Variants in MAGI1 observed in about 807,000 individuals in gnomAD.
MAGI1 encodes membrane-associated guanylate kinase, WW and PDZ domain-containing protein 1.
In MAGI1, 58 loss-of-function variants were observed where a neutral mutation model predicts 139.9. The observed-to-expected ratio is 0.41, with a 90% CI of 0.34 to 0.52. The LOEUF (loss-of-function observed/expected upper bound fraction) is 0.52, where lower values mean the gene tolerates loss of function less well. MAGI1 is among the 20% of genes least tolerant of loss of function. MAGI1 has a pLI of 0.12. For synonymous variants in MAGI1, 812 were observed against 737.9 expected (o/e 1.10, Z -1.63); for missense variants, 1,874 against 1,901.6 (o/e 0.99, Z 0.27).
chr3:65,490,807 G>C (rs1283509841), intron 3 of MAGI1, among the ~76,000 whole-genome samples: 6 of 121,038 alleles, frequency 5.0e-5, no homozygotes, highest in Admixed American at 2.4e-4. Flanking sequence ...CTGCGCCACT[G>C]CACTCCAGCC....
At chr3:65,652,988 T>A (rs1010251469) in intron 1 of MAGI1, among the ~76,000 whole-genome samples, 1 of 152,146 alleles carries the variant, frequency 6.6e-6, no homozygotes, top group Non-Finnish European at 1.5e-5. Context: ...GTCCAGGACA[T>A]GTGAGTCATC....
chr3:65,382,537 A>G (rs1362430875), intron 15 of MAGI1, among the ~76,000 whole-genome samples: 1 of 152,166 alleles, frequency 6.6e-6, no homozygotes, highest in Non-Finnish European at 1.5e-5. Context: ...CCATTTTTGA[A>G]GTCTTTTAGC....
intron 1 of MAGI1, among the ~76,000 whole-genome samples, chr3:65,978,474 G>T (rs529966099): frequency 1.1e-3 from 165 of 152,078 alleles, no homozygotes; most frequent in Non-Finnish European, 1.3e-3. Flanking sequence ...CTGTCTCCTA[G>T]CCTAGGTGGA....
At chr3:65,542,408 A>G (rs1391268621) in intron 2 of MAGI1, among the ~76,000 whole-genome samples, 4 of 152,220 alleles carry the variant, frequency 2.6e-5, no homozygotes, top group Admixed American at 2.6e-4. Context: ...TCACAGAATT[A>G]GAAAAAACTA....
chr3:65,788,022 G>A (rs1244828076), intron 1 of MAGI1, among the ~76,000 whole-genome samples: 2 of 152,152 alleles, frequency 1.3e-5, no homozygotes, highest in Non-Finnish European at 2.9e-5. Flanking sequence ...GTTACAGGTT[G>A]CATTTTTCCT....
intron 5 of MAGI1, among the ~76,000 whole-genome samples, chr3:65,469,145 G>A (rs1950390437): frequency 1.3e-5 from 2 of 152,094 alleles, no homozygotes; most frequent in Admixed American, 1.3e-4. Context: ...CATATTAACA[G>A]AAACAAATGC....
intron 12 of MAGI1, among the ~76,000 whole-genome samples, chr3:65,416,577 A>G (rs775429061): frequency 6.6e-6 from 1 of 152,204 alleles, no homozygotes; most frequent in African/African-American, 2.4e-5. Flanking sequence ...GCACGGTGCT[A>G]AAGTTTGTTG....
Position 65,973,870 on chromosome 3 carries a change from A to G in MAGI1, c.313+64126T>C, listed in dbSNP as rs570336710. On this transcript the variant is annotated intron_variant, in intron 1 of 22. Transcript: ENST00000402939. ...CCTTTTTGTTTTCAGAACAATTCATATAATCAGGGAAAAAAATGTAAACAG... is the reference window on the plus strand; with the variant it reads ...CCTTTTTGTTTTCAGAACAATTCATGTAATCAGGGAAAAAAATGTAAACAG... 4.3e-4 allele frequency among the ~76,000 whole-genome samples: 65 copies of G among 152,312 alleles called. 2 individuals are homozygous for G. The South Asian group carries it at 0.013, about 31-fold the overall frequency.
chr3:65,514,741 A>G (rs62255322), intron 2 of MAGI1, among the ~76,000 whole-genome samples: 6 of 147,160 alleles, frequency 4.1e-5, no homozygotes, highest in Non-Finnish European at 7.4e-5. Flanking sequence ...CATTGTGGAA[A>G]TCAGTGTGGC....
At chr3:65,850,353 T>C (rs2059159119) in intron 1 of MAGI1, among the ~76,000 whole-genome samples, 1 of 152,134 alleles carries the variant, frequency 6.6e-6, no homozygotes, top group Non-Finnish European at 1.5e-5. Flanking sequence ...TAATCCCAGT[T>C]TGCCCGGCGC....
intron 1 of MAGI1, among the ~76,000 whole-genome samples, chr3:65,691,350 T>C (rs2088640127): frequency 6.8e-6 from 1 of 146,238 alleles, no homozygotes; most frequent in South Asian, 2.2e-4. Flanking sequence ...TCAGAGCAAA[T>C]GTATGTGGCA....
intron 1 of MAGI1, among the ~76,000 whole-genome samples, chr3:65,736,796 A>T (rs9311953): frequency 0.43 from 65,146 of 152,056 alleles, 14,438 homozygotes; most frequent in East Asian, 0.57. Context: ...ATTCAAATGC[A>T]AACCTCTTCC....
intron 2 of MAGI1, among the ~76,000 whole-genome samples, chr3:65,520,865 C>T (rs2078121333): frequency 6.6e-6 from 1 of 152,200 alleles, no homozygotes; most frequent in Admixed American, 6.5e-5. Context: ...TGGGAGCTAA[C>T]TCAATATCAC....
chr3:65,842,023 T>G (rs554847292), intron 1 of MAGI1, among the ~76,000 whole-genome samples: 1 of 152,170 alleles, frequency 6.6e-6, no homozygotes, highest in Non-Finnish European at 1.5e-5. Flanking sequence ...TAAATAAATA[T>G]CAGTTTGAGC....
chr3:65,521,102 A>G (rs895416621), intron 2 of MAGI1, among the ~76,000 whole-genome samples: 1 of 152,190 alleles, frequency 6.6e-6, no homozygotes, highest in Admixed American at 6.5e-5. Context: ...TGTAATATGT[A>G]CCACAGACAG....
At chr3:65,801,522 T>C (rs186807325) in intron 1 of MAGI1, among the ~76,000 whole-genome samples, 2 of 152,282 alleles carry the variant, frequency 1.3e-5, no homozygotes, top group East Asian at 3.9e-4. Flanking sequence ...CCAACTTGGC[T>C]GGAAAAAAGC....
intron 1 of MAGI1, among the ~76,000 whole-genome samples, chr3:65,894,861 T>C (rs9879658): frequency 0.029 from 4,453 of 152,304 alleles, 155 homozygotes; most frequent in East Asian, 0.12. Context: ...AACACATCTT[T>C]ATTGCCGGCT....
At chr3:65,631,151 G>A (rs2084279565) in intron 1 of MAGI1, among the ~76,000 whole-genome samples, 2 of 152,186 alleles carry the variant, frequency 1.3e-5, no homozygotes, top group African/African-American at 4.8e-5. Flanking sequence ...AGGACAGGAA[G>A]GGGCAGAGAA....
At chr3:65,677,416 C>A (rs915259754) in intron 1 of MAGI1, among the ~76,000 whole-genome samples, 1 of 152,036 alleles carries the variant, frequency 6.6e-6, no homozygotes, top group Non-Finnish European at 1.5e-5. Context: ...ACAGTCATAT[C>A]GAAGACTTGA....
Sources: allele counts gnomAD v4.1 joint callset (sites outside exome capture counted in the v4.1 genomes callset), GRCh38; gene constraint gnomAD v4.1.1; transcripts MANE v1.5; gene names NCBI Gene and HGNC (gene_info 2026-07-23, HGNC 2026-07-21).